ACTR10: variants seen among roughly 807,000 people sequenced by gnomAD.
The protein encoded by ACTR10 is actin-related protein 10.
In ACTR10, 43 loss-of-function variants were observed where a neutral mutation model predicts 56.2. That is an observed-to-expected ratio of 0.77 (90% CI 0.60 to 0.99). ACTR10 has a LOEUF of 0.99. Ranked by LOEUF, ACTR10 falls within the 50% of genes least tolerant of loss-of-function variation. The probability of loss-of-function intolerance (pLI) is 0.00; values close to 1 mark genes in which losing one functional copy is unlikely to be tolerated. For synonymous variants in ACTR10, 170 were observed against 176.3 expected, an observed-to-expected ratio of 0.96 and a Z score of 0.28; for missense variants, 466 against 507.8, an observed-to-expected ratio of 0.92 and a Z score of 0.79.
intron 2 of ACTR10, among the ~76,000 whole-genome samples, chr14:58,206,506 G>A (rs1402007754): frequency 6.6e-6 from 1 of 152,114 alleles, no homozygotes; most frequent in African/African-American, 2.4e-5. Flanking sequence ...CATTTGAAAA[G>A]ACAGATACCT....
chr14:58,228,481 G>T (rs1043871832), intron 10 of ACTR10, among the ~76,000 whole-genome samples: 9 of 151,956 alleles, frequency 5.9e-5, no homozygotes, highest in Non-Finnish European at 1.3e-4. Context: ...AATTAGCTGG[G>T]CGTGGTGGCA....
chr14:58,230,261 C>T, intron 10 of ACTR10, 138 bp from the exon 11 acceptor site: 2 of 476,512 alleles, frequency 4.2e-6, no homozygotes. Context: ...ATGAGAACAC[C>T]TTGTATTTTA....
intron 6 of ACTR10, 89 bp from the exon 7 acceptor site, chr14:58,215,113 AATC>A (rs1889101442): frequency 2.5e-6 from 2 of 801,906 alleles, no homozygotes; most frequent in Non-Finnish European, 3.8e-6. Context: ...CCAAAAAAAA[AATC>A]ATAATAATCT....
chr14:58,224,644 G>A (rs1309300787), intron 10 of ACTR10, among the ~76,000 whole-genome samples: 1 of 152,120 alleles, frequency 6.6e-6, no homozygotes, highest in African/African-American at 2.4e-5. Flanking sequence ...TTGAAGTGGG[G>A]CAGGAAGTAT....
intron 2 of ACTR10, among the ~76,000 whole-genome samples, chr14:58,204,863 A>G (rs1888817474): frequency 6.6e-6 from 1 of 152,212 alleles, no homozygotes; most frequent in Non-Finnish European, 1.5e-5. Flanking sequence ...AATATTAACT[A>G]ATACAACTAT....
At chr14:58,213,467 A>G in intron 5 of ACTR10, 164 bp from the exon 6 acceptor site, 1 of 469,918 alleles carries the variant, frequency 2.1e-6, no homozygotes. Flanking sequence ...GATGAAGAAC[A>G]TGAAAAAAAA....
At chr14:58,228,169 T>C (rs1436163884) in intron 10 of ACTR10, among the ~76,000 whole-genome samples, 1 of 152,212 alleles carries the variant, frequency 6.6e-6, no homozygotes, top group African/African-American at 2.4e-5. Flanking sequence ...TATCATCTCA[T>C]ATTAGAGACC....
chr14:58,229,272 G>C (rs1889474039), intron 10 of ACTR10, among the ~76,000 whole-genome samples: 2 of 152,078 alleles, frequency 1.3e-5, no homozygotes, highest in East Asian at 3.8e-4. Flanking sequence ...GAAATGAGGA[G>C]AGGGTCAAAG....
In ACTR10 at chr14:58,235,222, T is replaced by C. The variant is rs1889651129; in HGVS notation, c.*671T>C. On this transcript the variant is annotated 3_prime_UTR_variant, in exon 13 of 13. Transcript: ENST00000254286. ...GCAGTTACTCCATTTAAAGCATAAA[T>C]AGTGTTAACCATTACCAGTTATTTC... is the stretch of plus-strand genomic sequence containing the variant. 1 of 152,204 alleles carries C rather than the reference T, an allele frequency of 6.6e-6. No homozygotes were observed. Among genetic ancestry groups the C allele is most frequent in the African/African-American group, 2.4e-5 (1 of 41,450 alleles). 9.4% of individuals were successfully genotyped at this position (152,204 alleles called of 1,614,324 possible).
At chr14:58,224,983 C>T (rs983287140) in intron 10 of ACTR10, among the ~76,000 whole-genome samples, 5 of 148,982 alleles carry the variant, frequency 3.4e-5, no homozygotes, top group South Asian at 2.1e-4. Context: ...GAGCAAAACT[C>T]CATCTCAAAA....
Position 58,208,580 on chromosome 14 carries a change from G to A in ACTR10, c.234-419G>A, listed in dbSNP as rs575801131. Among the ~76,000 whole-genome samples, 38 of 152,108 alleles carry A rather than the reference G, an allele frequency of 2.5e-4. No homozygotes were observed. In the South Asian group the frequency reaches 7.7e-3, roughly 31 times the overall value. On this transcript the variant is annotated intron_variant, in intron 3 of 12. Coordinates refer to ENST00000254286, the MANE Select transcript of ACTR10 (RefSeq NM_018477.3). Reference sequence around the variant, plus strand: ...AAAAAAAAAGAAAATATCGCCAGGTGCTGTGGCTCACATCTGTAGTACCAG... The same window carrying A: ...AAAAAAAAAGAAAATATCGCCAGGTACTGTGGCTCACATCTGTAGTACCAG...
chr14:58,233,881 C>T (rs1365426480), intron 12 of ACTR10, among the ~76,000 whole-genome samples: 1 of 152,128 alleles, frequency 6.6e-6, no homozygotes, highest in East Asian at 1.9e-4. Flanking sequence ...TGATCTAGGA[C>T]AAATTGATTT....
intron 5 of ACTR10, chr14:58,213,194 A>G (rs534228252): frequency 6.5e-6 from 1 of 152,850 alleles, no homozygotes; most frequent in African/African-American, 2.4e-5. Flanking sequence ...AGTATATTTT[A>G]TTTAACCCAA....
rs1480023802 is a variant in ACTR10 at position 58,220,012 on chromosome 14, A to G, written c.634+283A>G. ...TATTTTGCAGTGTGAAAGAACAGTT[A>G]AATTGCTTAAGAAAGCTACTGGTTT... On this transcript the variant is annotated intron_variant, in intron 8 of 12. Coordinates refer to ENST00000254286, the MANE Select transcript of ACTR10 (RefSeq NM_018477.3). Among the ~76,000 whole-genome samples the G allele has an allele frequency of 1.4e-4, 21 of 152,166 alleles. 1 individual carries two copies. The highest frequency in any genetic ancestry group is 5.9e-5 in the Non-Finnish European group (4 of 68,016).
intron 1 of ACTR10, among the ~76,000 whole-genome samples, chr14:58,202,578 C>T (rs775597511): frequency 6.7e-6 from 1 of 149,412 alleles, no homozygotes; most frequent in Admixed American, 6.7e-5. Context: ...AGCCAGACTC[C>T]ATCTCAAAAA....
intron 2 of ACTR10, among the ~76,000 whole-genome samples, chr14:58,204,158 G>C (rs926992044): frequency 1.3e-5 from 2 of 151,164 alleles, no homozygotes; most frequent in African/African-American, 2.4e-5. Context: ...GAGGCGGGCA[G>C]ATCACGAGGT....
chr14:58,223,617 T>C lies in ACTR10; in HGVS notation c.635-5T>C. On this transcript the variant is annotated splice_region_variant and splice_polypyrimidine_tract_variant and intron_variant, in intron 8 of 12. Coordinates refer to ENST00000254286, the MANE Select transcript of ACTR10 (RefSeq NM_018477.3). ...CATAATAAGGTCTCCTTTTCTTCCT[T>C]AAAGCGCGTACTTGCTTTGTAAGTG... is the stretch of plus-strand genomic sequence containing the variant. The C allele has an allele frequency of 1.9e-6, 3 of 1,608,316 alleles. No individual in the cohort carries two copies. Among genetic ancestry groups the C allele is most frequent in the Non-Finnish European group, 2.5e-6 (3 of 1,177,884 alleles).
intron 2 of ACTR10, among the ~76,000 whole-genome samples, chr14:58,204,240 C>T (rs955643637): frequency 2.0e-5 from 3 of 151,562 alleles, no homozygotes; most frequent in African/African-American, 4.9e-5. Flanking sequence ...AAAAATTAGC[C>T]AGGCATGGTG....
chr14:58,204,071 C>CT (rs1181405529), intron 2 of ACTR10, among the ~76,000 whole-genome samples: 3 of 151,914 alleles, frequency 2.0e-5, no homozygotes, highest in Non-Finnish European at 2.9e-5. Flanking sequence ...TGGCTGGAGG[C>CT]TGTCTTAGGG....
Sources: gnomAD v4.1 joint callset for allele counts (sites outside exome capture counted in the v4.1 genomes callset) on GRCh38, gnomAD v4.1.1 for gene constraint, MANE v1.5 for transcripts, NCBI Gene and HGNC (gene_info 2026-07-23, HGNC 2026-07-21) for gene names.